ZNF461: variants seen among roughly 807,000 people sequenced by gnomAD.
ZNF461 encodes the protein gonadotropin-inducible ovarian transcription factor-1.
ZNF461 carries 16 observed loss-of-function variants against 18.3 expected under a neutral mutation model. That is an observed-to-expected ratio of 0.88 (90% confidence interval 0.59 to 1.33). ZNF461 has a LOEUF of 1.33. ZNF461 is among the 40% of genes most tolerant of loss of function. The pLI is 0.00. For missense variants in ZNF461, 595 were observed against 669.9 expected, an observed-to-expected ratio of 0.89 and a Z score of 1.23; for synonymous variants, 179 against 216.9, an observed-to-expected ratio of 0.83 and a Z score of 1.54.
At chr19:36,656,576 G>A (rs2037724754) in intron 3 of ZNF461, 33 bp from the exon 4 acceptor site, 1 of 1,504,892 alleles carries the variant, frequency 6.6e-7, no homozygotes, top group Non-Finnish European at 9.2e-7. Context: ...AGATGAGATG[G>A]AAATGAATGT....
At position 36,664,710 on chromosome 19, in the gene ZNF461, T is replaced by C. The variant is rs751932428; in HGVS notation, c.-4A>G. ...AAAACCAACTTACATGGGCCATGTCTTATTTTAGAATTGAATGTATTATTT... is the reference window on the plus strand; with the variant it reads ...AAAACCAACTTACATGGGCCATGTCCTATTTTAGAATTGAATGTATTATTT... On this transcript the variant is annotated 5_prime_UTR_variant, in exon 2 of 6. Transcript: ENST00000588268. 6.6e-6 allele frequency: 10 copies of C among 1,504,096 alleles called. No individual in the cohort carries two copies. The Admixed American group carries it at 1.0e-4, about 15-fold the overall frequency. The allele number at this position is 1,504,096 out of a possible 1,614,324, so 93.2% of individuals were successfully genotyped here.
At chr19:36,649,125 C>T (rs1273441741) in intron 4 of ZNF461, among the ~76,000 whole-genome samples, 2 of 152,048 alleles carry the variant, frequency 1.3e-5, no homozygotes, top group East Asian at 1.9e-4. Context: ...AACATAATAA[C>T]GAAAATATCC....
In ZNF461 at chr19:36,638,963, C is replaced by A; in HGVS notation, c.1382G>T (p.Arg461Ile). The stretch of plus-strand genomic sequence containing the variant: ...ATGAGGTTTCTCACCAGTATGAATT[C>A]TCTGATGTCTTTTGAGGTGTGAACA... ...RQCSHLKRHQ[R>I]IHTGEKPHEC... The change falls in exon 6 of 6, where the codon AGA becomes ATA. Residue 461 changes from arginine to isoleucine, a missense_variant. Transcript: ENST00000588268. 6.2e-7 allele frequency: 1 copy of A among 1,614,086 alleles called. No individual in the cohort carries two copies. Among genetic ancestry groups the A allele is most frequent in the Non-Finnish European group, 8.5e-7 (1 of 1,180,034 alleles).
chr19:36,663,613 G>C (rs1164229632), intron 2 of ZNF461, among the ~76,000 whole-genome samples: 2 of 150,804 alleles, frequency 1.3e-5, no homozygotes, highest in South Asian at 2.1e-4. Context: ...GCAAACTCCT[G>C]GGATAAAGTG....
At chr19:36,644,539 G>T (rs1179065748) in intron 4 of ZNF461, among the ~76,000 whole-genome samples, 2 of 151,622 alleles carry the variant, frequency 1.3e-5, no homozygotes, top group African/African-American at 4.8e-5. Flanking sequence ...AAAGTGCTGG[G>T]ATTACAGGCG....
intron 4 of ZNF461, among the ~76,000 whole-genome samples, chr19:36,648,694 C>T (rs2037572127): frequency 6.6e-6 from 1 of 152,166 alleles, no homozygotes; most frequent in South Asian, 2.1e-4. Flanking sequence ...ATTCTTGTGC[C>T]TCAGCCTCCC....
chr19:36,658,267 T>C, intron 3 of ZNF461, 32 bp downstream of exon 3: 1 of 1,579,798 alleles, frequency 6.3e-7, no homozygotes, highest in South Asian at 1.2e-5. Flanking sequence ...GAATTCTGAA[T>C]TGTCAGGTTC....
chr19:36,662,017 G>A (rs1475079135), intron 2 of ZNF461, among the ~76,000 whole-genome samples: 8 of 151,910 alleles, frequency 5.3e-5, no homozygotes, highest in Non-Finnish European at 1.2e-4. Context: ...TTACAAGCAT[G>A]TGCCACCACG....
chr19:36,643,640 T>G, intron 5 of ZNF461, 154 bp downstream of exon 5: 1 of 620,328 alleles, frequency 1.6e-6, no homozygotes, highest in Non-Finnish European at 2.4e-6. Flanking sequence ...AACGTCACAT[T>G]CTGAAATCTA....
chr19:36,655,850 G>T (rs149054863), intron 4 of ZNF461, among the ~76,000 whole-genome samples: 2 of 152,038 alleles, frequency 1.3e-5, no homozygotes, highest in African/African-American at 2.4e-5. Flanking sequence ...TTTTCTATAT[G>T]GTGTAAGACA....
At chr19:36,644,713 G>A (rs536000918) in intron 4 of ZNF461, among the ~76,000 whole-genome samples, 2 of 151,954 alleles carry the variant, frequency 1.3e-5, no homozygotes, top group East Asian at 2.0e-4. Context: ...CTCTGCCTCA[G>A]CCTCCCAAGT....
chr19:36,639,310 A>C lies in ZNF461; in HGVS notation c.1035T>G (p.Thr345=). ...GKAFIRGFQL[T]EHLRLHTGEK... The stretch of plus-strand genomic sequence containing the variant: ...CTCCAGTATGGAGTCGCAGGTGTTC[A>C]GTAAGTTGAAAGCCACGAATAAAAG... The change falls in exon 6 of 6, where the codon ACT becomes ACG. Residue 345 remains threonine, a synonymous_variant. Transcript: ENST00000588268. 1 of 1,613,958 alleles carries C rather than the reference A, an allele frequency of 6.2e-7. No homozygotes were observed. The highest frequency in any genetic ancestry group is 1.7e-5 in the Admixed American group (1 of 60,012).
chr19:36,665,665 C>T (rs1190560658), intron 1 of ZNF461, among the ~76,000 whole-genome samples: 5 of 146,566 alleles, frequency 3.4e-5, no homozygotes, highest in African/African-American at 1.0e-4. Context: ...GCCGAGATCG[C>T]GCCACCGCAC....
intron 4 of ZNF461, among the ~76,000 whole-genome samples, chr19:36,651,869 A>G (rs1400595428): frequency 1.3e-5 from 2 of 152,196 alleles, no homozygotes; most frequent in Admixed American, 1.3e-4. Flanking sequence ...AAGGATAGCC[A>G]AAATAATTAT....
chr19:36,652,444 T>C (rs1393288581), intron 4 of ZNF461, among the ~76,000 whole-genome samples: 1 of 146,860 alleles, frequency 6.8e-6, no homozygotes, highest in Admixed American at 7.0e-5. Flanking sequence ...GACGTTGCAG[T>C]GAGCTGAGAT....
At chr19:36,644,539 G>A (rs1179065748) in intron 4 of ZNF461, among the ~76,000 whole-genome samples, 1 of 151,622 alleles carries the variant, frequency 6.6e-6, no homozygotes, top group African/African-American at 2.4e-5. Flanking sequence ...AAAGTGCTGG[G>A]ATTACAGGCG....
At chr19:36,655,691 G>C (rs562214977) in intron 4 of ZNF461, among the ~76,000 whole-genome samples, 1 of 152,272 alleles carries the variant, frequency 6.6e-6, no homozygotes, top group South Asian at 2.1e-4. Context: ...CCATTTGTCT[G>C]TTTTTGCTTT....
intron 2 of ZNF461, among the ~76,000 whole-genome samples, chr19:36,659,661 C>T (rs915928602): frequency 1.1e-4 from 16 of 152,288 alleles, no homozygotes; most frequent in African/African-American, 3.4e-4. Flanking sequence ...TTCTAAGGTA[C>T]ATATTCCATT....
intron 4 of ZNF461, among the ~76,000 whole-genome samples, chr19:36,653,391 C>T (rs1249569075): frequency 6.6e-6 from 1 of 152,144 alleles, no homozygotes; most frequent in African/African-American, 2.4e-5. Context: ...ATTTATGTAA[C>T]ATTTATGAAA....
Sources: gnomAD v4.1 joint callset for allele counts (sites outside exome capture counted in the v4.1 genomes callset) on GRCh38, gnomAD v4.1.1 for gene constraint, MANE v1.5 for transcripts, NCBI Gene and HGNC (gene_info 2026-07-23, HGNC 2026-07-21) for gene names.